Variants in BPI observed in about 807,000 individuals in gnomAD.
BPI encodes the protein bactericidal permeability increasing protein, also known as bactericidal permeability-increasing protein.
A neutral mutation model predicts 57.6 loss-of-function variants in BPI; 48 were observed. The observed-to-expected ratio is 0.83, with a 90% CI of 0.66 to 1.06. The LOEUF is 1.06. BPI is among the 50% of genes least tolerant of loss of function. BPI has a pLI of 0.00. For synonymous variants in BPI, 237 were observed against 238.2 expected (o/e 0.99, Z 0.05); for missense variants, 651 against 609.7 (o/e 1.07, Z -0.71).
chr20:38,325,799 A>G (rs1249402479), intron 9 of BPI, among the ~76,000 whole-genome samples: 2 of 152,016 alleles, frequency 1.3e-5, no homozygotes, highest in Non-Finnish European at 2.9e-5. Context: ...CAATCACATT[A>G]TTTTTACTCA....
At chr20:38,321,240 G>A (rs2076683916) in intron 7 of BPI, among the ~76,000 whole-genome samples, 1 of 149,844 alleles carries the variant, frequency 6.7e-6, no homozygotes, top group Non-Finnish European at 1.5e-5. Flanking sequence ...TGGGTGGGTG[G>A]GTAGATGGGT....
At chr20:38,320,055 TG>T in intron 6 of BPI, 127 bp from the exon 7 acceptor site, 1 of 781,296 alleles carries the variant, frequency 1.3e-6, no homozygotes, top group Non-Finnish European at 2.2e-6. Context: ...GAGAGCTCCC[TG>T]GAGAAGGTGG....
At chr20:38,306,221 C>T (rs371727123) in intron 1 of BPI, among the ~76,000 whole-genome samples, 25 of 152,084 alleles carry the variant, frequency 1.6e-4, no homozygotes, top group Admixed American at 4.6e-4. Context: ...TTAGTAGAGA[C>T]GGGGTTTCAC....
intron 11 of BPI, among the ~76,000 whole-genome samples, chr20:38,329,917 G>A (rs560518017): frequency 6.6e-6 from 1 of 152,100 alleles, no homozygotes; most frequent in South Asian, 2.1e-4. Context: ...TTCCCATGTT[G>A]GCCAGGCTAG....
intron 13 of BPI, 77 bp downstream of exon 13, chr20:38,334,570 T>G (rs1293304699): frequency 1.4e-6 from 2 of 1,440,546 alleles, no homozygotes; most frequent in Non-Finnish European, 2.0e-6. Context: ...AGCCACCTGT[T>G]ACCTGGCCCC....
rs200771214 is a variant in BPI, at chr20:38,309,030, G to A, written c.346G>A (p.Gly116Arg). ...CAGCAACGCCAATATCAAGATCAGC[G>A]GGAAATGGAAGGCACAAAAGAGATT... Reference protein sequence around the residue: ...SISNANIKISGKWKAQKRFLK... With the variant: ...SISNANIKISRKWKAQKRFLK... The change falls in exon 3 of 15, where the codon GGG (glycine) becomes AGG (arginine). Residue 116 changes from glycine to arginine, a missense_variant. Gly to Arg is a moderately radical substitution (Grantham distance 125, BLOSUM62 -2). Coordinates refer to ENST00000642449, the MANE Select transcript of BPI (RefSeq NM_001725.3). 169 of 1,614,208 alleles carry A rather than the reference G, an allele frequency of 1.0e-4. No homozygotes were observed. The highest frequency in any genetic ancestry group is 5.5e-4 in the African/African-American group (41 of 75,064).
Position 38,320,031 on chromosome 20 carries a change from C to A in BPI, c.665-152C>A, listed in dbSNP as rs188910929. On this transcript the variant is annotated intron_variant, in intron 6 of 14. Coordinates refer to ENST00000642449, the MANE Select transcript of BPI (RefSeq NM_001725.3). Reference sequence around the variant, plus strand: ...GGTGTGGGTTCATTTTCCCTTAAGGCGAGCTCCCTTAAGGAGAGCTCCCTG... The same window carrying A: ...GGTGTGGGTTCATTTTCCCTTAAGGAGAGCTCCCTTAAGGAGAGCTCCCTG... 4 of 640,934 alleles carry A rather than the reference C, an allele frequency of 6.2e-6. No homozygotes were observed. The Admixed American group carries it at 8.0e-5, about 13-fold the overall frequency. 39.7% of individuals were successfully genotyped at this position (640,934 alleles called of 1,614,324 possible).
intron 3 of BPI, among the ~76,000 whole-genome samples, chr20:38,310,286 A>G (rs1245270579): frequency 6.6e-6 from 1 of 152,184 alleles, no homozygotes; most frequent in Non-Finnish European, 1.5e-5. Flanking sequence ...TCTGCCAGGC[A>G]AACATGAGTT....
chr20:38,306,737 A>T (rs2076598531), intron 1 of BPI, among the ~76,000 whole-genome samples: 4 of 152,196 alleles, frequency 2.6e-5, no homozygotes, highest in African/African-American at 9.7e-5. Flanking sequence ...CATAGAGCAA[A>T]TAACAAATTA....
chr20:38,305,119 C>T (rs2076590879), intron 1 of BPI, among the ~76,000 whole-genome samples: 1 of 152,148 alleles, frequency 6.6e-6, no homozygotes, highest in African/African-American at 2.4e-5. Flanking sequence ...GAAATCAGAC[C>T]AAGGGGAAGG....
At chr20:38,327,562 T>G in intron 10 of BPI, 26 bp from the exon 11 acceptor site, 1 of 1,611,724 alleles carries the variant, frequency 6.2e-7, no homozygotes, top group Non-Finnish European at 8.5e-7. Context: ...GTCAGGGCAC[T>G]TCACCCTGGG....
rs140133129 is a variant in BPI at position 38,319,479 on chromosome 20, G to T, written c.665-704G>T. On this transcript the variant is annotated intron_variant, in intron 6 of 14. Coordinates refer to ENST00000642449, the MANE Select transcript of BPI (RefSeq NM_001725.3). The stretch of plus-strand genomic sequence containing the variant: ...GAGGCATTTTCTTCCTCCAGAACAG[G>T]AGCCCATCCTGGGCAGGTTCAATGC... 4.5e-3 allele frequency among the ~76,000 whole-genome samples: 690 copies of T among 152,224 alleles called. 4 individuals carry two copies. The highest frequency in any genetic ancestry group is 0.016 in the African/African-American group (652 of 41,516).
chr20:38,319,495 G>C (rs2076670092), intron 6 of BPI, among the ~76,000 whole-genome samples: 1 of 152,214 alleles, frequency 6.6e-6, no homozygotes, highest in Non-Finnish European at 1.5e-5. Context: ...ATCCTGGGCA[G>C]GTTCAATGCA....
At chr20:38,308,366 G>C (rs1007368677) in intron 2 of BPI, among the ~76,000 whole-genome samples, 5 of 152,188 alleles carry the variant, frequency 3.3e-5, no homozygotes, top group Non-Finnish European at 7.3e-5. Flanking sequence ...ATGGGGAGGG[G>C]CTTCCCCTAA....
intron 5 of BPI, among the ~76,000 whole-genome samples, chr20:38,315,629 T>C (rs886169682): frequency 2.6e-5 from 4 of 152,100 alleles, no homozygotes; most frequent in African/African-American, 9.7e-5. Flanking sequence ...GGAAAAGAGG[T>C]GCAGGTTCCT....
At position 38,326,447 on chromosome 20, in the gene BPI, G is replaced by C. The variant is rs2076714056; in HGVS notation, c.1161+15G>C. Reference sequence around the variant, plus strand: ...TGATTGGCATGGTAAGCAGTTCCTGGGTTGGACAGATGAGGAGCCCCAGAC... The same window carrying C: ...TGATTGGCATGGTAAGCAGTTCCTGCGTTGGACAGATGAGGAGCCCCAGAC... On this transcript the variant is annotated intron_variant, in intron 10 of 14. Transcript: ENST00000642449. 1 of 1,608,862 alleles carries C rather than the reference G, an allele frequency of 6.2e-7. No individual in the cohort carries two copies. The highest frequency in any genetic ancestry group is 8.5e-7 in the Non-Finnish European group (1 of 1,177,472).
intron 7 of BPI, among the ~76,000 whole-genome samples, chr20:38,322,512 G>A (rs771506471): frequency 1.3e-5 from 2 of 152,166 alleles, no homozygotes; most frequent in Non-Finnish European, 2.9e-5. Context: ...TCTAGATTTT[G>A]CTGATGCTCT....
rs374040501 is a variant in BPI at position 38,304,530 on chromosome 20, G to A, written c.130+177G>A. 5.3e-5 allele frequency among the ~76,000 whole-genome samples: 8 copies of A among 152,338 alleles called. No individual in the cohort carries two copies. In the East Asian group the frequency reaches 1.4e-3, roughly 26 times the overall value. ...GCAAAGCGAGTTGCCTAAGATTGCA[G>A]GGCTGGGATGGCAGAGCTGGGATTG... On this transcript the variant is annotated intron_variant, in intron 1 of 14. Transcript: ENST00000642449.
At position 38,327,613 on chromosome 20, in the gene BPI, G is replaced by A. The variant is rs2122551969; in HGVS notation, c.1187G>A (p.Ser396Asn). Residue 396 changes from serine to asparagine, a missense_variant, in exon 11 of 15, where the codon AGC becomes AAC. By Grantham distance (46) the Ser-to-Asn change is conservative. Coordinates refer to ENST00000642449, the MANE Select transcript of BPI (RefSeq NM_001725.3). Reference protein sequence around the residue: ...GMHTTGSMEVSAESNRLVGEL... With the variant: ...GMHTTGSMEVNAESNRLVGEL... ...CACACAACTGGTTCCATGGAGGTCA[G>A]CGCCGAGTCCAACAGGCTTGTTGGA... 1 of 1,613,642 alleles carries A rather than the reference G, an allele frequency of 6.2e-7. No homozygotes were observed. Among genetic ancestry groups the A allele is most frequent in the Middle Eastern group, 1.7e-4 (1 of 5,848 alleles).
Sources: allele counts gnomAD v4.1 joint callset (sites outside exome capture counted in the v4.1 genomes callset), GRCh38; gene constraint gnomAD v4.1.1; transcripts MANE v1.5; gene names NCBI Gene and HGNC (gene_info 2026-07-23, HGNC 2026-07-21).